The following TCERG1L variants were observed in gnomAD, a reference collection of about 807,000 sequenced individuals.
TCERG1L encodes transcription elongation regulator 1 like, also known as transcription elongation regulator 1-like protein.
Under a neutral mutation model 56.3 loss-of-function variants are expected in TCERG1L, and 37 were observed. That is an observed-to-expected ratio of 0.66 (90% confidence interval 0.51 to 0.87). TCERG1L has a LOEUF of 0.87. TCERG1L is among the 40% of genes least tolerant of loss of function. TCERG1L has a pLI of 0.00. For missense variants in TCERG1L, 799 were observed against 774.2 expected (o/e 1.03, Z -0.38); for synonymous variants, 324 against 326.3 (o/e 0.99, Z 0.08).
At chr10:131,290,842 G>A (rs1821889) in intron 3 of TCERG1L, among the ~76,000 whole-genome samples, 10 of 151,996 alleles carry the variant, frequency 6.6e-5, no homozygotes, top group Admixed American at 5.2e-4. Flanking sequence ...CACTACCACG[G>A]TTCATACACA....
At chr10:131,278,956 G>A (rs1846424477) in intron 3 of TCERG1L, among the ~76,000 whole-genome samples, 1 of 152,146 alleles carries the variant, frequency 6.6e-6, no homozygotes, top group Admixed American at 6.5e-5. Context: ...GGGCCCTTCT[G>A]CTGCCACTGT....
intron 4 of TCERG1L, among the ~76,000 whole-genome samples, chr10:131,176,989 CAG>C (rs375128515): frequency 8.2e-5 from 3 of 36,524 alleles, no homozygotes; most frequent in South Asian, 5.6e-4. Flanking sequence ...CACACCAAGA[CAG>C]GTGTACACAC....
At position 131,197,699 on chromosome 10, in the gene TCERG1L, A is replaced by G. The variant is rs191724964; in HGVS notation, c.857-30814T>C. Among the ~76,000 whole-genome samples, 61 of 152,348 alleles carry G rather than the reference A, an allele frequency of 4.0e-4. No homozygotes were observed. In the East Asian group the frequency reaches 0.01, roughly 26 times the overall value. On this transcript the variant is annotated intron_variant, in intron 4 of 11. Coordinates refer to ENST00000368642, the MANE Select transcript of TCERG1L (RefSeq NM_174937.4). ...GTGCATGCAGATAGCAGGACACACC[A>G]GCCAGAGCCGACCTGAGGTGAGGAG...
intron 4 of TCERG1L, among the ~76,000 whole-genome samples, chr10:131,221,063 C>A (rs1253396861): frequency 6.6e-6 from 1 of 152,178 alleles, no homozygotes; most frequent in African/African-American, 2.4e-5. Context: ...CTGAGGCAGC[C>A]TCCCTGAGCA....
chr10:131,137,371 C>T (rs183330517), intron 7 of TCERG1L, among the ~76,000 whole-genome samples: 147 of 152,338 alleles, frequency 9.6e-4, no homozygotes, highest in African/African-American at 3.2e-3. Flanking sequence ...TTCCTCCCTG[C>T]GTCACTGGGC....
At chr10:131,234,717 T>C (rs186363638) in intron 4 of TCERG1L, among the ~76,000 whole-genome samples, 2 of 147,424 alleles carry the variant, frequency 1.4e-5, no homozygotes, top group African/African-American at 5.2e-5. Context: ...GTTGTGTTTT[T>C]TTGAGACGGA....
At chr10:131,284,777 A>C (rs1846500822) in intron 3 of TCERG1L, among the ~76,000 whole-genome samples, 1 of 152,172 alleles carries the variant, frequency 6.6e-6, no homozygotes, top group Non-Finnish European at 1.5e-5. Context: ...GGCAATTTGC[A>C]AACTTAGATG....
chr10:131,126,523 T>C (rs1472391802), intron 8 of TCERG1L, among the ~76,000 whole-genome samples: 1 of 151,618 alleles, frequency 6.6e-6, no homozygotes, highest in African/African-American at 2.4e-5. Flanking sequence ...AGCTCTCAGC[T>C]GCGGGAGGCA....
chr10:131,292,807 G>C (rs562317247), intron 3 of TCERG1L, among the ~76,000 whole-genome samples: 12 of 150,830 alleles, frequency 8.0e-5, no homozygotes, highest in Admixed American at 5.3e-4. Context: ...TTCATGTAAT[G>C]TGTTTTCGTG....
intron 7 of TCERG1L, among the ~76,000 whole-genome samples, chr10:131,145,295 T>C (rs1242525882): frequency 3.3e-5 from 5 of 152,242 alleles, no homozygotes; most frequent in Admixed American, 6.5e-5. Context: ...TAAAGCACTC[T>C]TTCAAGACGT....
intron 6 of TCERG1L, among the ~76,000 whole-genome samples, chr10:131,149,636 TGTGA>T (rs752889011): frequency 3.3e-5 from 5 of 152,210 alleles, no homozygotes; most frequent in Non-Finnish European, 5.9e-5. Context: ...CGGGTGGAGC[TGTGA>T]GTGAGTGGGC....
intron 10 of TCERG1L, 91 bp from the exon 11 acceptor site, chr10:131,098,515 G>C (rs1002510876): frequency 9.7e-5 from 140 of 1,450,772 alleles, no homozygotes; most frequent in Non-Finnish European, 1.2e-4. Flanking sequence ...AAAGCAGCAA[G>C]AATCTATGGC....
intron 4 of TCERG1L, among the ~76,000 whole-genome samples, chr10:131,186,057 T>C (rs2918100): frequency 0.6 from 90,753 of 151,944 alleles, 29,170 homozygotes; most frequent in East Asian, 0.74. Flanking sequence ...TATATGGTAC[T>C]GTGCAGATGA....
intron 4 of TCERG1L, among the ~76,000 whole-genome samples, chr10:131,223,701 CACACATGCTCACACACAG>C (rs1845761044): frequency 1.3e-5 from 2 of 152,020 alleles, no homozygotes; most frequent in African/African-American, 4.8e-5. Context: ...TACAGACACA[CACACATGCTCACACACAG>C]ACATGCTCAC....
chr10:131,232,814 C>A (rs899361764), intron 4 of TCERG1L, among the ~76,000 whole-genome samples: 2 of 152,162 alleles, frequency 1.3e-5, no homozygotes, highest in Non-Finnish European at 2.9e-5. Context: ...GCCAGAGACA[C>A]CTGCCCTGAA....
chr10:131,247,242 G>T (rs1463658472), intron 4 of TCERG1L, among the ~76,000 whole-genome samples: 1 of 152,208 alleles, frequency 6.6e-6, no homozygotes, highest in East Asian at 1.9e-4. Flanking sequence ...CCTGTGCTGG[G>T]CAGACACAAA....
At chr10:131,095,248 G>A (rs1164634430) in intron 11 of TCERG1L, 1 of 154,796 alleles carries the variant, frequency 6.5e-6, no homozygotes, top group Admixed American at 6.6e-5. Context: ...AACCCCACCG[G>A]GCGTCAACCC....
At chr10:131,160,722 C>T (rs1845968384) in intron 6 of TCERG1L, 1 of 152,272 alleles carries the variant, frequency 6.6e-6, no homozygotes, top group Non-Finnish European at 1.5e-5. Context: ...CAACAGACTC[C>T]CTCACCTACC....
intron 4 of TCERG1L, among the ~76,000 whole-genome samples, chr10:131,204,410 G>GC (rs1324869267): frequency 2.3e-5 from 3 of 130,352 alleles, no homozygotes; most frequent in African/African-American, 8.5e-5. Flanking sequence ...CCCCCACCCT[G>GC]CCCCCGCATC....
Sources: allele counts gnomAD v4.1 joint callset (sites outside exome capture counted in the v4.1 genomes callset), GRCh38; gene constraint gnomAD v4.1.1; transcripts MANE v1.5; gene names NCBI Gene and HGNC (gene_info 2026-07-23, HGNC 2026-07-21).